CTNNA3: variants seen among roughly 807,000 people sequenced by gnomAD.
CTNNA3 encodes the protein catenin alpha-3.
In CTNNA3, 76 loss-of-function variants were observed where a neutral mutation model predicts 95.7. That is an observed-to-expected ratio of 0.79 (90% CI 0.66 to 0.96). The LOEUF (loss-of-function observed/expected upper bound fraction) is 0.96. CTNNA3 is among the 40% of genes least tolerant of loss of function. The pLI, the probability that CTNNA3 is intolerant of heterozygous loss-of-function variation, is 0.00. For synonymous variants in CTNNA3, 431 were observed against 374.4 expected (o/e 1.15, Z -1.74); for missense variants, 1,191 against 1,089.8 (o/e 1.09, Z -1.31).
chr10:67,174,941 T>C (rs1476789247), intron 7 of CTNNA3, among the ~76,000 whole-genome samples: 1 of 151,904 alleles, frequency 6.6e-6, no homozygotes, highest in African/African-American at 2.4e-5. Flanking sequence ...ACATTATCTC[T>C]AACCAAATCA....
intron 17 of CTNNA3, among the ~76,000 whole-genome samples, chr10:65,949,150 C>T (rs1291008612): frequency 6.6e-6 from 1 of 152,024 alleles, no homozygotes; most frequent in African/African-American, 2.4e-5. Context: ...GAACAAAGAC[C>T]TTGCTTATTC....
intron 11 of CTNNA3, among the ~76,000 whole-genome samples, chr10:66,410,544 G>T (rs1486251705): frequency 6.6e-6 from 1 of 152,160 alleles, no homozygotes; most frequent in African/African-American, 2.4e-5. Context: ...CTGTGGAATA[G>T]AGTCTACCTC....
rs556827148 is a variant in CTNNA3 at position 67,703,804 on chromosome 10, G to T, written c.-1-56290C>A. Among the ~76,000 whole-genome samples the T allele has an allele frequency of 1.4e-4, 21 of 152,248 alleles. 1 individual carries two copies. In the East Asian group the frequency reaches 4.1e-3, roughly 29 times the overall value. On this transcript the variant is annotated intron_variant, in intron 1 of 17. Coordinates refer to the CTNNA3 transcript ENST00000684154. ...AATCAGGCAGGAGAAGGAAATAAAG[G>T]GTGTTCAATTAGGAAAAGAGGAAGT... is the stretch of plus-strand genomic sequence containing the variant.
chr10:66,323,508 G>A (rs2092216766), intron 12 of CTNNA3, among the ~76,000 whole-genome samples: 1 of 151,750 alleles, frequency 6.6e-6, no homozygotes, highest in African/African-American at 2.4e-5. Flanking sequence ...AAAATTAGCT[G>A]GACGTGGTGC....
intron 13 of CTNNA3, among the ~76,000 whole-genome samples, chr10:66,218,470 C>T (rs1006861770): frequency 3.3e-5 from 5 of 152,126 alleles, no homozygotes; most frequent in Admixed American, 2.0e-4. Context: ...ACCCTATAGG[C>T]GAGCTCAGTT....
chr10:66,623,642 C>T (rs757053439), intron 9 of CTNNA3, among the ~76,000 whole-genome samples: 57 of 152,088 alleles, frequency 3.7e-4, no homozygotes, highest in Non-Finnish European at 7.4e-4. Flanking sequence ...CTCTTTTTGT[C>T]TTCATGTATT....
Position 67,030,295 on chromosome 10 carries a change from C to T in CTNNA3, c.1047+150022G>A, listed in dbSNP as rs114715957. Among the ~76,000 whole-genome samples, 547 of 152,140 alleles carry T rather than the reference C, an allele frequency of 3.6e-3. 3 individuals carry two copies. Among genetic ancestry groups the T allele is most frequent in the African/African-American group, 0.012 (503 of 41,516 alleles). On this transcript the variant is annotated intron_variant, in intron 7 of 17. Coordinates refer to ENST00000433211, the MANE Select transcript of CTNNA3 (RefSeq NM_013266.4). ...TTTAAAGTTAAGAAACATTTGAAGTCGAGTTCTAAAGCAATCTGCATATGC... is the reference window on the plus strand; with the variant it reads ...TTTAAAGTTAAGAAACATTTGAAGTTGAGTTCTAAAGCAATCTGCATATGC...
chr10:66,743,475 T>C (rs1202969416), intron 9 of CTNNA3, among the ~76,000 whole-genome samples: 1 of 152,158 alleles, frequency 6.6e-6, no homozygotes, highest in Non-Finnish European at 1.5e-5. Context: ...TTATCTGGGT[T>C]TATCTGAGAT....
intron 10 of CTNNA3, among the ~76,000 whole-genome samples, chr10:66,556,246 C>T (rs1298210117): frequency 6.6e-5 from 10 of 151,752 alleles, no homozygotes; most frequent in Non-Finnish European, 1.5e-5. Flanking sequence ...AAAAGTGAGC[C>T]CTTCCACACT....
chr10:67,129,147 T>C (rs1241419347), intron 7 of CTNNA3, among the ~76,000 whole-genome samples: 1 of 152,212 alleles, frequency 6.6e-6, no homozygotes, highest in Non-Finnish European at 1.5e-5. Context: ...TGACATTTTG[T>C]ATTAATCTCT....
chr10:66,448,612 G>T (rs1015424594), intron 11 of CTNNA3, among the ~76,000 whole-genome samples: 3 of 151,444 alleles, frequency 2.0e-5, no homozygotes, highest in Admixed American at 6.6e-5. Context: ...TCACTCATAG[G>T]TGGGAATTGA....
At chr10:66,371,013 G>T (rs959899404) in intron 12 of CTNNA3, among the ~76,000 whole-genome samples, 1 of 152,078 alleles carries the variant, frequency 6.6e-6, no homozygotes, top group Admixed American at 6.6e-5. Flanking sequence ...ATGAACCACT[G>T]CCCAGCCTCA....
chr10:66,513,912 G>A (rs1840749044), intron 11 of CTNNA3, among the ~76,000 whole-genome samples: 1 of 152,130 alleles, frequency 6.6e-6, no homozygotes, highest in Admixed American at 6.5e-5. Flanking sequence ...GCACCATTAG[G>A]TTCAGCTGGT....
At chr10:66,732,549 C>G (rs1352994564) in intron 9 of CTNNA3, among the ~76,000 whole-genome samples, 1 of 152,072 alleles carries the variant, frequency 6.6e-6, no homozygotes, top group East Asian at 1.9e-4. Context: ...CAAACAGGTC[C>G]TTCTTCACGT....
intron 5 of CTNNA3, among the ~76,000 whole-genome samples, chr10:67,366,516 C>A (rs751990313): frequency 8.5e-5 from 13 of 152,082 alleles, no homozygotes; most frequent in Non-Finnish European, 1.6e-4. Flanking sequence ...TGGCACATGC[C>A]TCCAATCCCA....
At chr10:67,747,105 G>A (rs1040495544) in intron 1 of CTNNA3, among the ~76,000 whole-genome samples, 1 of 152,168 alleles carries the variant, frequency 6.6e-6, no homozygotes, top group Non-Finnish European at 1.5e-5. Flanking sequence ...CTCTAGCCAG[G>A]GGCTTAGAGA....
At chr10:66,230,588 G>A (rs1482937391) in intron 13 of CTNNA3, among the ~76,000 whole-genome samples, 2 of 152,202 alleles carry the variant, frequency 1.3e-5, no homozygotes, top group Non-Finnish European at 2.9e-5. Flanking sequence ...AGAGCCCACA[G>A]AGGTGCACAG....
intron 1 of CTNNA3, among the ~76,000 whole-genome samples, chr10:67,732,020 T>A (rs1841277702): frequency 6.6e-6 from 1 of 151,782 alleles, no homozygotes; most frequent in African/African-American, 2.4e-5. Context: ...AACCTTATGA[T>A]CCACCCACCT....
intron 5 of CTNNA3, among the ~76,000 whole-genome samples, chr10:67,428,629 G>A (rs1846000956): frequency 6.6e-6 from 1 of 151,978 alleles, no homozygotes; most frequent in African/African-American, 2.4e-5. Context: ...TGGATTGAGG[G>A]ATACAGATTA....
Sources: allele counts gnomAD v4.1 joint callset (sites outside exome capture counted in the v4.1 genomes callset), GRCh38; gene constraint gnomAD v4.1.1; transcripts MANE v1.5; gene names NCBI Gene and HGNC (gene_info 2026-07-23, HGNC 2026-07-21).